ZNF676: variants seen among roughly 807,000 people sequenced by gnomAD.
ZNF676 encodes the protein zinc finger protein 676.
In ZNF676, 4 loss-of-function variants were observed where a neutral mutation model predicts 6.0. That is an observed-to-expected ratio of 0.67 (90% confidence interval 0.33 to 1.53). The LOEUF (loss-of-function observed/expected upper bound fraction) is 1.53. Among genes scored for constraint, ZNF676 ranks in the 40% most tolerant of loss-of-function variants. The probability of loss-of-function intolerance (pLI) is 0.06; values close to 1 mark genes in which losing one functional copy is unlikely to be tolerated. For missense variants in ZNF676, 644 were observed against 679.7 expected, an observed-to-expected ratio of 0.95 and a Z score of 0.58; for synonymous variants, 198 against 223.1, an observed-to-expected ratio of 0.89 and a Z score of 1.00.
At chr19:22,228,931 A>C in the ZNF676 span, among the ~76,000 whole-genome samples, 4 of 152,218 alleles carry the variant, frequency 2.6e-5, no homozygotes, top group Non-Finnish European at 5.9e-5. Context: ...CATACTGCCT[A>C]AGGTAATTTA....
intron 1 of ZNF676, among the ~76,000 whole-genome samples, chr19:22,206,966 G>A (rs991868573): frequency 3.9e-5 from 6 of 152,140 alleles, no homozygotes; most frequent in Admixed American, 2.6e-4. Flanking sequence ...AGTTATCTAT[G>A]ACAAATCCAC....
At chr19:22,249,810 A>C in the ZNF676 span, among the ~76,000 whole-genome samples, 2 of 151,904 alleles carry the variant, frequency 1.3e-5, no homozygotes, top group East Asian at 3.9e-4. Context: ...AAAATTGCAG[A>C]GTTATTAAAC....
At chr19:22,256,446 T>C in the ZNF676 span, among the ~76,000 whole-genome samples, 2 of 152,028 alleles carry the variant, frequency 1.3e-5, no homozygotes, top group African/African-American at 4.8e-5. Flanking sequence ...AGCCCAGTGA[T>C]ATGTCACAAT....
chr19:22,197,601 T>G (rs2023981211), upstream of ZNF676, among the ~76,000 whole-genome samples: 1 of 152,108 alleles, frequency 6.6e-6, no homozygotes, highest in South Asian at 2.1e-4. Context: ...TGTTTTTCTG[T>G]TTTTCTGGTT....
the ZNF676 span, among the ~76,000 whole-genome samples, chr19:22,255,498 A>G: frequency 1.3e-5 from 2 of 152,204 alleles, no homozygotes; most frequent in South Asian, 4.1e-4. Flanking sequence ...CATCTCTCCA[A>G]TTTTCTGGGT....
chr19:22,192,533 C>A (rs1260610065), intron 2 of ZNF676, among the ~76,000 whole-genome samples: 1 of 151,964 alleles, frequency 6.6e-6, no homozygotes, highest in Non-Finnish European at 1.5e-5. Flanking sequence ...GGATATTATA[C>A]TTTATAATTT....
At chr19:22,225,077 T>C in the ZNF676 span, among the ~76,000 whole-genome samples, 2 of 152,172 alleles carry the variant, frequency 1.3e-5, no homozygotes, top group Admixed American at 6.6e-5. Context: ...TTACATCTTG[T>C]AAAACTAATA....
chr19:22,207,437 G>A (rs138826732), intron 1 of ZNF676, among the ~76,000 whole-genome samples: 2,564 of 152,128 alleles, frequency 0.017, 27 homozygotes, highest in Non-Finnish European at 0.025. Context: ...GCTTAAAGAA[G>A]CCAGAGATGA....
intron 1 of ZNF676, among the ~76,000 whole-genome samples, chr19:22,212,091 T>C (rs1309844730): frequency 6.6e-6 from 1 of 150,584 alleles, no homozygotes; most frequent in Non-Finnish European, 1.5e-5. Context: ...TCCCAGCTAC[T>C]TGGGAGGCTG....
At chr19:22,232,421 C>G in the ZNF676 span, among the ~76,000 whole-genome samples, 1 of 152,154 alleles carries the variant, frequency 6.6e-6, no homozygotes, top group African/African-American at 2.4e-5. Context: ...CTGCCTTGTC[C>G]TTCCAGAGTG....
upstream of ZNF676, among the ~76,000 whole-genome samples, chr19:22,219,880 C>T (rs1189621053): frequency 6.6e-6 from 1 of 152,066 alleles, no homozygotes; most frequent in African/African-American, 2.4e-5. Context: ...ATCTCAAACT[C>T]CTGACCTCAA....
In ZNF676 at chr19:22,202,314, A is replaced by G. The variant is rs532341417; in HGVS notation, c.4-5588T>C. Among the ~76,000 whole-genome samples the G allele has an allele frequency of 1.0e-3, 157 of 152,282 alleles. 1 individual carries two copies. The highest frequency in any genetic ancestry group is 1.8e-3 in the Non-Finnish European group (124 of 68,018). Reference sequence around the variant, plus strand: ...GTAAAACGGTTAATATCTGACCTATAAAGTTTGTAGAAATCTGTTCTAGCC... The same window carrying G: ...GTAAAACGGTTAATATCTGACCTATGAAGTTTGTAGAAATCTGTTCTAGCC... On this transcript the variant is annotated intron_variant, in intron 1 of 3. Coordinates refer to the ZNF676 transcript ENST00000650058.
At chr19:22,185,356 T>A (rs754135820) in intron 2 of ZNF676, among the ~76,000 whole-genome samples, 4 of 151,998 alleles carry the variant, frequency 2.6e-5, no homozygotes, top group Non-Finnish European at 4.4e-5. Flanking sequence ...AGAGACACCA[T>A]CCGAAGGTCA....
rs139963826 is a variant in ZNF676 at position 22,206,221 on chromosome 19, A to G, written c.3+9411T>C. On this transcript the variant is annotated intron_variant, in intron 1 of 3. Coordinates refer to the ZNF676 transcript ENST00000650058. Reference sequence around the variant, plus strand: ...CTACCAGATGTACAAATAGAAGCTGATATTATTTCTACCAGAACAATTTCA... The same window carrying G: ...CTACCAGATGTACAAATAGAAGCTGGTATTATTTCTACCAGAACAATTTCA... 5.3e-3 allele frequency among the ~76,000 whole-genome samples: 804 copies of G among 152,264 alleles called. 5 individuals are homozygous for G. Among genetic ancestry groups the G allele is most frequent in the African/African-American group, 0.018 (752 of 41,556 alleles).
upstream of ZNF676, among the ~76,000 whole-genome samples, chr19:22,200,669 C>T (rs2144787290): frequency 6.6e-6 from 1 of 152,054 alleles, no homozygotes; most frequent in Admixed American, 6.5e-5. Flanking sequence ...CAGGCATGAG[C>T]CACCACACCT....
chr19:22,255,253 G>C, the ZNF676 span, among the ~76,000 whole-genome samples: 1 of 152,082 alleles, frequency 6.6e-6, no homozygotes, highest in South Asian at 2.1e-4. Context: ...TGGGTGTGAG[G>C]TTCAGAACCT....
At chr19:22,181,652 C>G (rs2023755353) in intron 2 of ZNF676, 66 bp from the exon 3 acceptor site, 1 of 1,263,970 alleles carries the variant, frequency 7.9e-7, no homozygotes, top group African/African-American at 1.5e-5. Flanking sequence ...GTTTCCAAAT[C>G]TAACCTATAA....
chr19:22,211,942 G>A (rs1226698720), intron 1 of ZNF676, among the ~76,000 whole-genome samples: 2 of 152,090 alleles, frequency 1.3e-5, no homozygotes, highest in East Asian at 3.9e-4. Context: ...GCTCACACCT[G>A]TAATCTCAGC....
chr19:22,201,835 AT>A (rs1299028263), upstream of ZNF676, among the ~76,000 whole-genome samples: 9 of 149,660 alleles, frequency 6.0e-5, no homozygotes, highest in East Asian at 1.8e-3. Context: ...TTAATAATTG[AT>A]TGCATATACA....
Sources: gnomAD v4.1 joint callset for allele counts (sites outside exome capture counted in the v4.1 genomes callset) on GRCh38, gnomAD v4.1.1 for gene constraint, MANE v1.5 for transcripts, NCBI Gene and HGNC (gene_info 2026-07-23, HGNC 2026-07-21) for gene names.